MKLN1: variants seen among roughly 807,000 people sequenced by gnomAD.
MKLN1 encodes muskelin.
MKLN1 carries 18 observed loss-of-function variants against 99.0 expected under a neutral mutation model. The ratio of observed to expected loss-of-function variants is 0.18; its 90% confidence interval spans 0.13 to 0.27. The LOEUF (loss-of-function observed/expected upper bound fraction) is 0.27. MKLN1 is among the 10% of genes least tolerant of loss of function. The pLI is 1.00. For synonymous variants in MKLN1, 288 were observed against 293.2 expected, an observed-to-expected ratio of 0.98 and a Z score of 0.18; for missense variants, 621 against 875.9, an observed-to-expected ratio of 0.71 and a Z score of 3.67.
chr7:131,210,252 T>C (rs981243189), intron 3 of MKLN1, among the ~76,000 whole-genome samples: 4 of 152,114 alleles, frequency 2.6e-5, no homozygotes, highest in Non-Finnish European at 5.9e-5. Flanking sequence ...AAGCATTGGC[T>C]GGGCATGGTG....
At chr7:131,472,947 CAAAAAAAA>C (rs34420594) in intron 16 of MKLN1, among the ~76,000 whole-genome samples, 3 of 81,150 alleles carry the variant, frequency 3.7e-5, no homozygotes, top group Non-Finnish European at 5.0e-5. Context: ...GATTCCATCT[CAAAAAAAA>C]AAAAAAAAAA....
rs1797302173 is a variant in MKLN1 at position 131,487,088 on chromosome 7, TC to T, written c.2087-517del. On this transcript the variant is annotated intron_variant, in intron 17 of 17. Transcript: ENST00000352689. The surrounding 1 kb of genome is among the most constrained non-coding windows in gnomAD (Gnocchi z 4.7). ...TACCACTCAGTTCCCTGAGACTACT[TC>T]CAGCTGTCTCAGAGACATTAATGAT... Among the ~76,000 whole-genome samples the T allele has an allele frequency of 6.6e-6, 1 of 152,108 alleles. No homozygotes were observed. Among genetic ancestry groups the T allele is most frequent in the Non-Finnish European group, 1.5e-5 (1 of 67,996 alleles).
intron 1 of MKLN1, among the ~76,000 whole-genome samples, chr7:131,336,297 C>G (rs1371244458): frequency 6.6e-6 from 1 of 151,876 alleles, no homozygotes; most frequent in Non-Finnish European, 1.5e-5. Flanking sequence ...GTAAAACTTT[C>G]TCTCTCCTTT....
chr7:131,278,230 G>A (rs2116573238), intron 3 of MKLN1, among the ~76,000 whole-genome samples: 1 of 151,984 alleles, frequency 6.6e-6, no homozygotes, highest in Non-Finnish European at 1.5e-5. Context: ...TAGAGACAGG[G>A]TTTTGCCATG....
chr7:131,414,279 T>G (rs1440774974), intron 7 of MKLN1, among the ~76,000 whole-genome samples: 3 of 152,220 alleles, frequency 2.0e-5, no homozygotes, highest in African/African-American at 7.2e-5. Context: ...CTAGAATATA[T>G]ACGGGAGATC....
chr7:131,168,686 CCTTTATGTATATTTT>C (rs141538502), intron 2 of MKLN1, among the ~76,000 whole-genome samples: 13,510 of 151,758 alleles, frequency 0.089, 743 homozygotes, highest in African/African-American at 0.15. Flanking sequence ...GCCAGTTAAG[CCTTTATGTATATTTT>C]CTTTATGTAT....
At chr7:131,273,210 AAGCAGCTG>A (rs772822558) in intron 3 of MKLN1, among the ~76,000 whole-genome samples, 2 of 152,170 alleles carry the variant, frequency 1.3e-5, no homozygotes, top group Non-Finnish European at 2.9e-5. Flanking sequence ...CTGTGCTTCA[AAGCAGCTG>A]AGACCAGCTG....
chr7:131,363,333 G>C (rs564565300), intron 1 of MKLN1, among the ~76,000 whole-genome samples: 16 of 152,068 alleles, frequency 1.1e-4, no homozygotes, highest in African/African-American at 3.9e-4. Context: ...TGAGATCTGT[G>C]TCACTTGGAC....
In MKLN1 at chr7:131,287,100, C is replaced by G. The variant is rs142665234; in HGVS notation, c.-179+84126C>G. Among the ~76,000 whole-genome samples the G allele has an allele frequency of 5.9e-4, 83 of 141,862 alleles. No homozygotes were observed. The East Asian group carries it at 0.017, about 29-fold the overall frequency. The allele number at this position is 141,862 out of a possible 152,430, so 93.1% of individuals were successfully genotyped here. ...CTGGGTAACAGAGTGAAATGAAACC[C>G]TGTCTCAAAACAAAACAAAAAGTAC... On this transcript the variant is annotated intron_variant, in intron 3 of 7. Transcript: ENST00000416992.
At chr7:131,472,668 T>A (rs1187438842) in intron 16 of MKLN1, among the ~76,000 whole-genome samples, 13 of 151,994 alleles carry the variant, frequency 8.6e-5, no homozygotes, top group Non-Finnish European at 1.5e-4. Flanking sequence ...ACAATGCCCT[T>A]GGCTGGGCGC....
intron 2 of MKLN1, among the ~76,000 whole-genome samples, chr7:131,176,266 C>T (rs557379256): frequency 6.6e-6 from 1 of 152,180 alleles, no homozygotes; most frequent in African/African-American, 2.4e-5. Flanking sequence ...TTATGGAAAT[C>T]TATCTTTCCT....
chr7:131,178,144 T>C (rs569449465), intron 2 of MKLN1, among the ~76,000 whole-genome samples: 21 of 152,298 alleles, frequency 1.4e-4, no homozygotes, highest in Non-Finnish European at 2.9e-4. Context: ...GAGACGGAGT[T>C]TCGCTTTTGT....
At chr7:131,375,354 C>A in intron 1 of MKLN1, 70 bp from the exon 2 acceptor site, 2 of 918,150 alleles carry the variant, frequency 2.2e-6, no homozygotes, top group Non-Finnish European at 3.6e-6. Context: ...ATAATTTCAG[C>A]ATCTGGTAGA....
At position 131,413,041 on chromosome 7, in the gene MKLN1, A is replaced by G. The variant is rs543927099; in HGVS notation, c.782-1604A>G. On this transcript the variant is annotated intron_variant, in intron 7 of 17. Transcript: ENST00000352689. Reference sequence around the variant, plus strand: ...AACTAATGGATTCAACATATAAAATACAAACATACTGAAAATGAATTCATT... The same window carrying G: ...AACTAATGGATTCAACATATAAAATGCAAACATACTGAAAATGAATTCATT... Among the ~76,000 whole-genome samples, 10 of 152,372 alleles carry G rather than the reference A, an allele frequency of 6.6e-5. No individual in the cohort carries two copies. In the East Asian group the frequency reaches 1.7e-3, roughly 26 times the overall value.
intron 1 of MKLN1, among the ~76,000 whole-genome samples, chr7:131,131,135 C>T (rs556559124): frequency 4.0e-5 from 6 of 148,512 alleles, no homozygotes; most frequent in South Asian, 2.1e-4. Flanking sequence ...GTGGGAGGAT[C>T]GCTTGAGCTC....
chr7:131,462,244 G>A (rs929179735), intron 12 of MKLN1, among the ~76,000 whole-genome samples: 1 of 152,058 alleles, frequency 6.6e-6, no homozygotes, highest in African/African-American at 2.4e-5. Context: ...TGCCCAGGCT[G>A]GTCTTGAGGT....
At chr7:131,387,040 G>A (rs1489431429) in intron 2 of MKLN1, 80 bp from the exon 3 acceptor site, 1 of 1,333,596 alleles carries the variant, frequency 7.5e-7, no homozygotes, top group African/African-American at 1.5e-5. Flanking sequence ...ACATTCTTCT[G>A]TTAACTGGCA....
In MKLN1 at chr7:131,350,548, G is replaced by C. The variant is rs915053143; in HGVS notation, c.98+22551G>C. Among the ~76,000 whole-genome samples the C allele has an allele frequency of 2.6e-5, 4 of 152,368 alleles. No individual in the cohort carries two copies. The East Asian group carries it at 5.8e-4, about 22-fold the overall frequency. ...TCACCTAAAGGCTTGAGTGGGGAAA[G>C]ATCTGCCTCTAAGCTTATTTGATTG... On this transcript the variant is annotated intron_variant, in intron 1 of 17. Coordinates refer to ENST00000352689, the MANE Select transcript of MKLN1 (RefSeq NM_013255.5).
At chr7:131,287,626 C>T (rs927511822) in intron 3 of MKLN1, among the ~76,000 whole-genome samples, 4 of 152,156 alleles carry the variant, frequency 2.6e-5, no homozygotes, top group African/African-American at 9.7e-5. Flanking sequence ...TTCCCAGGTT[C>T]CAGAGATTCG....
Sources: allele counts gnomAD v4.1 joint callset (sites outside exome capture counted in the v4.1 genomes callset), GRCh38; gene constraint gnomAD v4.1.1; non-coding constraint Gnocchi (gnomAD v3.1); transcripts MANE v1.5; gene names NCBI Gene and HGNC (gene_info 2026-07-23, HGNC 2026-07-21).